PLA2R1: variants seen among roughly 807,000 people sequenced by gnomAD.
The protein encoded by PLA2R1 is secretory phospholipase A2 receptor.
In PLA2R1, 158 loss-of-function variants were observed where a neutral mutation model predicts 195.9. That is an observed-to-expected ratio of 0.81 (90% CI 0.71 to 0.92). The LOEUF (loss-of-function observed/expected upper bound fraction) is 0.92. PLA2R1 is among the 40% of genes least tolerant of loss of function. PLA2R1 has a pLI of 0.00. For synonymous variants in PLA2R1, 586 were observed against 598.2 expected, an observed-to-expected ratio of 0.98 and a Z score of 0.30; for missense variants, 1,626 against 1,764.6, an observed-to-expected ratio of 0.92 and a Z score of 1.41.
At chr2:160,054,422 GA>G (rs1695409497) in intron 1 of PLA2R1, among the ~76,000 whole-genome samples, 1 of 152,144 alleles carries the variant, frequency 6.6e-6, no homozygotes, top group African/African-American at 2.4e-5. Flanking sequence ...TGGTGCCAAA[GA>G]GCAGCAAAAT....
intron 1 of PLA2R1, among the ~76,000 whole-genome samples, chr2:160,057,494 C>A (rs943007514): frequency 2.6e-5 from 4 of 152,194 alleles, no homozygotes; most frequent in African/African-American, 9.7e-5. Context: ...TGGGCCTTTG[C>A]ACATGAAATA....
chr2:159,989,651 A>G (rs1296054941), intron 11 of PLA2R1, among the ~76,000 whole-genome samples: 1 of 152,218 alleles, frequency 6.6e-6, no homozygotes, highest in Admixed American at 6.5e-5. Flanking sequence ...ATGGGTTTTC[A>G]TGAAGATCAA....
In PLA2R1 at chr2:159,995,473, T is replaced by C. The variant is rs937421372; in HGVS notation, c.1835-8115A>G. 2.6e-5 allele frequency among the ~76,000 whole-genome samples: 4 copies of C among 152,104 alleles called. No individual in the cohort carries two copies. The South Asian group carries it at 6.2e-4, about 24-fold the overall frequency. ...ATGTATTAATTTATTTTGACAGTTATAGACATTCCTAACAAAATTCCAAAG... is the reference window on the plus strand; with the variant it reads ...ATGTATTAATTTATTTTGACAGTTACAGACATTCCTAACAAAATTCCAAAG... On this transcript the variant is annotated intron_variant, in intron 11 of 29. Transcript: ENST00000283243.
At chr2:160,032,180 C>T (rs6726925) in intron 4 of PLA2R1, among the ~76,000 whole-genome samples, 79,537 of 152,144 alleles carry the variant, frequency 0.52, 22,100 homozygotes, top group Non-Finnish European at 0.63. Flanking sequence ...CTATGGGAAC[C>T]TTTTTATTGG....
chr2:159,941,551 G>A lies in PLA2R1; in HGVS notation c.*227C>T. The stretch of plus-strand genomic sequence containing the variant: ...CTTGTCTTTCTGAAAAATAACCAAT[G>A]CATAATTTACCCCTTTTAAGAATGG... On this transcript the variant is annotated 3_prime_UTR_variant, in exon 30 of 30. Coordinates refer to ENST00000283243, the MANE Select transcript of PLA2R1 (RefSeq NM_007366.5). 5.6e-6 allele frequency: 2 copies of A among 357,910 alleles called. No individual in the cohort carries two copies. The highest frequency in any genetic ancestry group is 1.0e-5 in the Non-Finnish European group (2 of 198,486). The allele number at this position is 357,910 out of a possible 1,614,324, so 22.2% of individuals were successfully genotyped here. A position where few individuals can be genotyped will look rare whatever the true frequency, so the allele number is the denominator to read the frequency against.
intron 4 of PLA2R1, among the ~76,000 whole-genome samples, chr2:160,031,939 G>GT (rs1028631865): frequency 1.3e-5 from 2 of 152,116 alleles, no homozygotes; most frequent in African/African-American, 4.8e-5. Flanking sequence ...GCAAATTTTT[G>GT]TATTTTTAGT....
At chr2:159,988,918 T>C (rs930717369) in intron 11 of PLA2R1, among the ~76,000 whole-genome samples, 5 of 152,026 alleles carry the variant, frequency 3.3e-5, no homozygotes, top group African/African-American at 1.2e-4. Context: ...AAAGAATGAG[T>C]GTATGAGTGT....
intron 6 of PLA2R1, among the ~76,000 whole-genome samples, chr2:160,026,878 A>G (rs1352292804): frequency 6.6e-6 from 1 of 152,202 alleles, no homozygotes; most frequent in Non-Finnish European, 1.5e-5. Context: ...CTCACGCCGT[A>G]ATCCCAGCAC....
Position 160,022,813 on chromosome 2 carries a change from C to A in PLA2R1, c.1146G>T (p.Trp382Cys), listed in dbSNP as rs1558948609. ...TGTAGCAATTACGATTGTAGGGATTCCAGCCAGGCTCACAGTGGGTAGCAT... is the reference window on the plus strand; with the variant it reads ...TGTAGCAATTACGATTGTAGGGATTACAGCCAGGCTCACAGTGGGTAGCAT... ...KYYATHCEPG[W>C]NPYNRNCYKL... Residue 382 changes from tryptophan to cysteine, a missense_variant, in exon 7 of 30, where the codon TGG becomes TGT. Physicochemically the swap from Trp to Cys is radical, Grantham distance 215. Transcript: ENST00000283243. The A allele has an allele frequency of 5.6e-6, 9 of 1,613,412 alleles. No homozygotes were observed. The highest frequency in any genetic ancestry group is 6.8e-6 in the Non-Finnish European group (8 of 1,179,566).
At chr2:160,060,691 T>C (rs981578516) in intron 1 of PLA2R1, among the ~76,000 whole-genome samples, 1 of 152,194 alleles carries the variant, frequency 6.6e-6, no homozygotes, top group Non-Finnish European at 1.5e-5. Flanking sequence ...AGAATTTGTC[T>C]CAGGCCAGTA....
chr2:159,986,449 TTG>T (rs371360120), intron 12 of PLA2R1, among the ~76,000 whole-genome samples: 133 of 152,266 alleles, frequency 8.7e-4, no homozygotes, highest in African/African-American at 3.1e-3. Context: ...GCAGCCAAGT[TTG>T]TGCAAAACCT....
At chr2:160,033,869 C>T (rs763445729) in intron 3 of PLA2R1, among the ~76,000 whole-genome samples, 1 of 152,032 alleles carries the variant, frequency 6.6e-6, no homozygotes, top group African/African-American at 2.4e-5. Flanking sequence ...CAATAATGAC[C>T]GGAAACCAAA....
intron 15 of PLA2R1, 149 bp downstream of exon 15, chr2:159,977,135 A>G: frequency 1.6e-6 from 1 of 620,026 alleles, no homozygotes; most frequent in Non-Finnish European, 2.7e-6. Context: ...GCCTTTTCCC[A>G]TTTCCTATAG....
intron 17 of PLA2R1, among the ~76,000 whole-genome samples, chr2:159,973,351 C>T (rs1689314476): frequency 6.6e-6 from 1 of 151,838 alleles, no homozygotes; most frequent in Non-Finnish European, 1.5e-5. Context: ...GATATCCTTT[C>T]CCCTTGGACC....
chr2:160,011,178 C>A (rs1453828759), intron 10 of PLA2R1, among the ~76,000 whole-genome samples: 1 of 152,164 alleles, frequency 6.6e-6, no homozygotes, highest in African/African-American at 2.4e-5. Context: ...TACTTTCTGT[C>A]ATTTGTATGA....
chr2:160,002,296 CA>C (rs1691657815), intron 11 of PLA2R1, among the ~76,000 whole-genome samples: 1 of 151,868 alleles, frequency 6.6e-6, no homozygotes, highest in African/African-American at 2.4e-5. Context: ...ACAACTCAAG[CA>C]GCACTTGGAA....
intron 9 of PLA2R1, among the ~76,000 whole-genome samples, chr2:160,015,722 G>A (rs1692691311): frequency 1.3e-5 from 2 of 152,112 alleles, no homozygotes; most frequent in South Asian, 4.1e-4. Context: ...TGACATGTCA[G>A]CTACGGCATA....
chr2:159,947,045 G>C (rs1687434107), intron 26 of PLA2R1, 128 bp from the exon 27 acceptor site: 1 of 638,504 alleles, frequency 1.6e-6, no homozygotes, highest in Admixed American at 3.5e-5. Flanking sequence ...ATAAAGAAGA[G>C]ACTTTAAATT....
intron 27 of PLA2R1, chr2:159,946,023 A>C (rs971105226): frequency 9.1e-6 from 9 of 984,502 alleles, no homozygotes; most frequent in Non-Finnish European, 1.1e-5. Flanking sequence ...TCACTTTCTA[A>C]AAAGATTTTA....
Sources: allele counts gnomAD v4.1 joint callset (sites outside exome capture counted in the v4.1 genomes callset), GRCh38; gene constraint gnomAD v4.1.1; transcripts MANE v1.5; gene names NCBI Gene and HGNC (gene_info 2026-07-23, HGNC 2026-07-21).